The following RASEF variants were observed in gnomAD, a reference collection of about 807,000 sequenced individuals.
The protein encoded by RASEF is RAS and EF-hand domain containing.
A neutral mutation model predicts 90.1 loss-of-function variants in RASEF; 68 were observed. That is an observed-to-expected ratio of 0.75 (90% CI 0.62 to 0.92). The LOEUF is 0.92. Among genes scored for constraint, RASEF ranks in the 40% least tolerant of loss-of-function variants. The pLI is 0.00. For synonymous variants in RASEF, 331 were observed against 345.2 expected (o/e 0.96, Z 0.46); for missense variants, 949 against 937.2 (o/e 1.01, Z -0.16).
the RASEF span, among the ~76,000 whole-genome samples, chr9:83,177,196 T>C: frequency 1.3e-5 from 2 of 152,178 alleles, no homozygotes; most frequent in Non-Finnish European, 2.9e-5. Context: ...CATAATTACC[T>C]TTACCAGTGT....
the RASEF span, among the ~76,000 whole-genome samples, chr9:83,189,136 G>A: frequency 6.6e-6 from 1 of 152,218 alleles, no homozygotes; most frequent in Admixed American, 6.5e-5. Context: ...TGTCGTGGGA[G>A]GGGCCCAGTG....
chr9:83,198,271 A>T, the RASEF span, among the ~76,000 whole-genome samples: 2 of 152,196 alleles, frequency 1.3e-5, no homozygotes, highest in African/African-American at 4.8e-5. Context: ...TTTATGCTCA[A>T]AGGAAACAGA....
At chr9:83,110,663 A>G in the RASEF span, among the ~76,000 whole-genome samples, 1 of 152,154 alleles carries the variant, frequency 6.6e-6, no homozygotes, top group Admixed American at 6.6e-5. Context: ...GAAAGAATAA[A>G]CCATGTTCAC....
At chr9:83,001,161 G>A (rs372192208) in intron 9 of RASEF, 31 bp from the exon 10 acceptor site, 109 of 1,527,390 alleles carry the variant, frequency 7.1e-5, no homozygotes, top group Non-Finnish European at 9.0e-5. Flanking sequence ...CAATTTACCT[G>A]AGGGCTGGAA....
the RASEF span, among the ~76,000 whole-genome samples, chr9:83,153,918 C>G: frequency 1.3e-5 from 2 of 152,342 alleles, no homozygotes; most frequent in Admixed American, 1.3e-4. Flanking sequence ...GAGTACCTGA[C>G]AGTTGTCAAA....
At chr9:83,169,378 C>G in the RASEF span, among the ~76,000 whole-genome samples, 1 of 150,740 alleles carries the variant, frequency 6.6e-6, no homozygotes, top group South Asian at 2.1e-4. Context: ...CACACACACA[C>G]ACACACACAC....
At chr9:83,100,596 C>T in the RASEF span, among the ~76,000 whole-genome samples, 2 of 152,010 alleles carry the variant, frequency 1.3e-5, no homozygotes, top group Non-Finnish European at 2.9e-5. Flanking sequence ...AGAAGTATAC[C>T]CCCTCTCCTT....
At chr9:83,152,256 A>C in the RASEF span, among the ~76,000 whole-genome samples, 1 of 152,224 alleles carries the variant, frequency 6.6e-6, no homozygotes. Flanking sequence ...CAAATAGTTT[A>C]ACTATTCTGA....
the RASEF span, among the ~76,000 whole-genome samples, chr9:83,164,373 A>ATATATATATATATATATATATATATATG: frequency 1.2e-4 from 17 of 141,954 alleles, no homozygotes; most frequent in Non-Finnish European, 2.3e-4. Flanking sequence ...ATATATATAT[A>ATATATATATATATATATATATATATATG]TGTGTGTGTG....
At chr9:83,048,127 T>C in intron 1 of RASEF, 1 of 985,438 alleles carries the variant, frequency 1.0e-6, no homozygotes. Context: ...TGCCTGGCTC[T>C]GGAGGCCTCC....
At position 83,023,062 on chromosome 9, in the gene RASEF, G is replaced by A. The variant is rs556180789; in HGVS notation, c.579-636C>T. Among the ~76,000 whole-genome samples, 124 of 152,156 alleles carry A rather than the reference G, an allele frequency of 8.1e-4. 1 individual carries two copies. In the Middle Eastern group the frequency reaches 0.01, roughly 13 times the overall value. ...TGCTGGGAGGCTCTCAATAAATTCTGAATTTTTTTTTGCTCTCATGACTGA... is the reference window on the plus strand; with the variant it reads ...TGCTGGGAGGCTCTCAATAAATTCTAAATTTTTTTTTGCTCTCATGACTGA... On this transcript the variant is annotated intron_variant, in intron 2 of 16. Coordinates refer to ENST00000376447, the MANE Select transcript of RASEF (RefSeq NM_152573.4).
At chr9:82,996,042 C>T (rs1828912928) in intron 14 of RASEF, among the ~76,000 whole-genome samples, 1 of 152,130 alleles carries the variant, frequency 6.6e-6, no homozygotes, top group Non-Finnish European at 1.5e-5. Context: ...TCATTTTAAG[C>T]CATGATAAGT....
Position 83,063,013 on chromosome 9 carries a change from C to A in RASEF, c.-146G>T. ...TTCGGCCACTTGAGGGAACGTCGGG[C>A]GGGGCGAGGAACGTCGGGGGTGGCC... is the stretch of plus-strand genomic sequence containing the variant. On this transcript the variant is annotated 5_prime_UTR_variant, in exon 1 of 17. Transcript: ENST00000376447. The A allele has an allele frequency of 1.1e-6, 1 of 870,722 alleles. No homozygotes were observed. Among genetic ancestry groups the A allele is most frequent in the Non-Finnish European group, 1.6e-6 (1 of 622,142 alleles). 53.9% of individuals were successfully genotyped at this position (870,722 alleles called of 1,614,324 possible).
chr9:83,162,281 C>T, the RASEF span, among the ~76,000 whole-genome samples: 4 of 151,938 alleles, frequency 2.6e-5, no homozygotes, highest in Non-Finnish European at 4.4e-5. Context: ...TAAAATGAAG[C>T]TTTGAAGAAG....
intron 1 of RASEF, among the ~76,000 whole-genome samples, chr9:83,041,608 GT>G (rs1435157333): frequency 6.6e-6 from 1 of 152,126 alleles, no homozygotes; most frequent in African/African-American, 2.4e-5. Flanking sequence ...TCACTCCATG[GT>G]GCTTGGGGTA....
rs558362235 is a variant in RASEF, at chr9:82,994,033, G to T, written c.1921-1008C>A. 1.1e-4 allele frequency among the ~76,000 whole-genome samples: 17 copies of T among 152,330 alleles called. No individual in the cohort carries two copies. In the East Asian group the frequency reaches 3.3e-3, roughly 29 times the overall value. On this transcript the variant is annotated intron_variant, in intron 14 of 16. Transcript: ENST00000376447. ...TGAAAACATGTGGAAATTACTCTTTGCAGTGACTAAAGATACCTGCGTACT... is the reference window on the plus strand; with the variant it reads ...TGAAAACATGTGGAAATTACTCTTTTCAGTGACTAAAGATACCTGCGTACT...
upstream of RASEF, among the ~76,000 whole-genome samples, chr9:83,065,428 A>G (rs1009857819): frequency 1.3e-5 from 2 of 152,174 alleles, no homozygotes; most frequent in Non-Finnish European, 2.9e-5. Context: ...GGAAGCTAGC[A>G]TGAGTTTTGT....
At chr9:83,037,241 C>G (rs1829758281) in intron 1 of RASEF, among the ~76,000 whole-genome samples, 1 of 151,894 alleles carries the variant, frequency 6.6e-6, no homozygotes, top group African/African-American at 2.4e-5. Context: ...TGTATATTGC[C>G]TGCACTAGCA....
chr9:83,066,371 T>C (rs1012277399), upstream of RASEF, among the ~76,000 whole-genome samples: 4 of 152,216 alleles, frequency 2.6e-5, no homozygotes, highest in African/African-American at 4.8e-5. Context: ...TTAGTGTGTA[T>C]GTCAGTTCAG....
Sources: allele counts gnomAD v4.1 joint callset (sites outside exome capture counted in the v4.1 genomes callset), GRCh38; gene constraint gnomAD v4.1.1; transcripts MANE v1.5; gene names NCBI Gene and HGNC (gene_info 2026-07-23, HGNC 2026-07-21).